Variants in MDM4 observed in about 807,000 individuals in gnomAD.
The protein encoded by MDM4 is MDM4 regulator of p53, also known as protein Mdm4.
A neutral mutation model predicts 60.2 loss-of-function variants in MDM4; 2 were observed. The ratio of observed to expected loss-of-function variants is 0.03; its 90% CI spans 0.01 to 0.10. The LOEUF is 0.10. Ranked by LOEUF, MDM4 falls within the 10% of genes least tolerant of loss-of-function variation. The pLI, the probability that MDM4 is intolerant of heterozygous loss-of-function variation, is 1.00. For missense variants in MDM4, 447 were observed against 577.5 expected (o/e 0.77, Z 2.32); for synonymous variants, 202 against 198.1 (o/e 1.02, Z -0.17).
chr1:204,551,524 AG>A lies in MDM4; in HGVS notation c.*1844del, dbSNP rs1663207519. ...GGGAGTATGGCTGTTGTGAAAAGGG[AG>A]GTAAAGAGAAATGGTAGATCTGAAG... On this transcript the variant is annotated 3_prime_UTR_variant, in exon 11 of 11. Coordinates refer to ENST00000367182, the MANE Select transcript of MDM4 (RefSeq NM_002393.5). The A allele has an allele frequency of 6.4e-6, 1 of 155,220 alleles. No individual in the cohort carries two copies. Among genetic ancestry groups the A allele is most frequent in the East Asian group, 9.8e-5 (1 of 10,184 alleles). The allele number at this position is 155,220 out of a possible 1,614,324, so 9.6% of individuals were successfully genotyped here.
chr1:204,527,657 A>G (rs940542490), intron 3 of MDM4, among the ~76,000 whole-genome samples: 1 of 148,656 alleles, frequency 6.7e-6, no homozygotes, highest in Non-Finnish European at 1.5e-5. Flanking sequence ...AAAAAAAAAA[A>G]AAGTGTCAGA....
Position 204,553,722 on chromosome 1 carries a change from A to C in MDM4, c.*4040A>C, listed in dbSNP as rs1386526447. The C allele has an allele frequency of 8.8e-6, 2 of 226,454 alleles. No homozygotes were observed. The highest frequency in any genetic ancestry group is 1.3e-4 in the East Asian group (2 of 15,622). The allele number at this position is 226,454 out of a possible 1,614,324, so 14.0% of individuals were successfully genotyped here. ...ATGAATTTCAGTATTACGGCTAAAA[A>C]GTTCTTCTGTCTGAATATTAACTCA... On this transcript the variant is annotated 3_prime_UTR_variant, in exon 11 of 11. Transcript: ENST00000367182.
rs779541672 is a variant in MDM4, at chr1:204,546,830, G to A, written c.856G>A (p.Asp286Asn). 1 of 1,613,320 alleles carries A rather than the reference G, an allele frequency of 6.2e-7. No homozygotes were observed. The highest frequency in any genetic ancestry group is 1.1e-5 in the South Asian group (1 of 90,988). Residue 286 changes from aspartate (D) to asparagine (N), a missense_variant, in exon 10 of 11, where the codon GAC becomes AAC. By Grantham distance (23) the Asp-to-Asn change is conservative (BLOSUM62 1). Coordinates refer to ENST00000367182, the MANE Select transcript of MDM4 (RefSeq NM_002393.5). ...AGTGGGAAAAAATGATGACCTGGAG[G>A]ACTCTAAGTCCTTAAGTGATGATAC... ...IEVGKNDDLEDSKSLSDDTDV... is the reference protein window; with the variant it reads ...IEVGKNDDLENSKSLSDDTDV...
At chr1:204,540,884 T>A (rs910396348) in intron 7 of MDM4, among the ~76,000 whole-genome samples, 1 of 152,236 alleles carries the variant, frequency 6.6e-6, no homozygotes, top group African/African-American at 2.4e-5. Context: ...GCTTCTAGTC[T>A]AGGCATGTGG....
At position 204,525,572 on chromosome 1, in the gene MDM4, G is replaced by T. The variant is rs2102314293; in HGVS notation, c.54G>T (p.Arg18Ser). The change falls in exon 2 of 11, where the codon AGG (arginine) becomes AGT (serine). Residue 18 changes from arginine to serine, a missense_variant. This residue lies in a region of MDM4 where 33 missense variants were observed against 28.8 expected (regional missense o/e 1.15). Coordinates refer to ENST00000367182, the MANE Select transcript of MDM4 (RefSeq NM_002393.5). ...AQCSTSDSACRISPGQINQVR... is the reference protein window; with the variant it reads ...AQCSTSDSACSISPGQINQVR... Reference sequence around the variant, plus strand: ...GTTCAACATCTGACAGTGCTTGCAGGATCTCTCCTGGACAAATCAATCAGG... The same window carrying T: ...GTTCAACATCTGACAGTGCTTGCAGTATCTCTCCTGGACAAATCAATCAGG... The T allele has an allele frequency of 2.5e-6, 4 of 1,608,614 alleles. No homozygotes were observed. The highest frequency in any genetic ancestry group is 3.4e-6 in the Non-Finnish European group (4 of 1,176,850).
chr1:204,543,373 C>G (rs553853330), intron 8 of MDM4, among the ~76,000 whole-genome samples: 1 of 152,122 alleles, frequency 6.6e-6, no homozygotes, highest in Non-Finnish European at 1.5e-5. Flanking sequence ...TGGTGGCGTG[C>G]GCCTGTTTTA....
At chr1:204,523,114 C>A (rs1389382110) in intron 1 of MDM4, among the ~76,000 whole-genome samples, 1 of 151,182 alleles carries the variant, frequency 6.6e-6, no homozygotes, top group Admixed American at 6.6e-5. Flanking sequence ...CCACCTTCCT[C>A]AGCCTCCCAA....
At position 204,526,278 on chromosome 1, in the gene MDM4, T is replaced by C. The variant is rs1029974490; in HGVS notation, c.79-82T>C. 4 of 1,193,150 alleles carry C rather than the reference T, an allele frequency of 3.4e-6. No homozygotes were observed. The Admixed American group carries it at 7.9e-5, about 24-fold the overall frequency. 73.9% of individuals were successfully genotyped at this position (1,193,150 alleles called of 1,614,324 possible). The stretch of plus-strand genomic sequence containing the variant: ...CTCAAAAAACAAAAGCGGGGGGAGC[T>C]GTTTAAAGAGGTTCTCTTGTTCCAT... On this transcript the variant is annotated intron_variant, in intron 2 of 10. Transcript: ENST00000367182.
At position 204,549,105 on chromosome 1, in the gene MDM4, C is replaced by CT. The variant is rs1395929502; in HGVS notation, c.904-5dup. ...CTGAGTATTAATTGGCTTCACTTGT[C>CT]TTTGTAGGATGAGTGGCAGTGTACT... On this transcript the variant is annotated splice_polypyrimidine_tract_variant and splice_region_variant and intron_variant, in intron 10 of 10. Transcript: ENST00000367182. The CT allele has an allele frequency of 6.4e-7, 1 of 1,565,704 alleles. No individual in the cohort carries two copies. The highest frequency in any genetic ancestry group is 8.7e-7 in the Non-Finnish European group (1 of 1,148,316).
chr1:204,534,619 C>T (rs1040598079), intron 5 of MDM4, among the ~76,000 whole-genome samples: 2 of 152,068 alleles, frequency 1.3e-5, no homozygotes, highest in African/African-American at 4.8e-5. Context: ...TCCTCAGTAG[C>T]TGGGACTACA....
At chr1:204,540,726 G>A (rs1181420250) in intron 7 of MDM4, among the ~76,000 whole-genome samples, 1 of 152,170 alleles carries the variant, frequency 6.6e-6, no homozygotes, top group African/African-American at 2.4e-5. Flanking sequence ...TCGCGCCATT[G>A]CCCTCCAGCC....
chr1:204,526,262 C>G (rs890901860), intron 2 of MDM4, 98 bp from the exon 3 acceptor site: 4 of 1,071,698 alleles, frequency 3.7e-6, no homozygotes, highest in Non-Finnish European at 5.5e-6. Flanking sequence ...CCTCAAAAAA[C>G]AAAAGCGGGG....
At position 204,556,710 on chromosome 1, in the gene MDM4, C is replaced by G; in HGVS notation, c.*7028C>G. The G allele has an allele frequency of 9.4e-6, 2 of 212,588 alleles. No homozygotes were observed. Among genetic ancestry groups the G allele is most frequent in the Non-Finnish European group, 1.9e-5 (2 of 105,034 alleles). 13.2% of individuals were successfully genotyped at this position (212,588 alleles called of 1,614,324 possible). A position where few individuals can be genotyped will look rare whatever the true frequency, so the allele number is the denominator to read the frequency against. On this transcript the variant is annotated 3_prime_UTR_variant, in exon 11 of 11. Transcript: ENST00000367182. ...CTGTCTCAAAGAAATTGAGGTCAGG[C>G]TTCCTTCTTACAGAATTATTTTTTT... is the stretch of plus-strand genomic sequence containing the variant.
At chr1:204,521,415 T>A (rs1443677062) in intron 1 of MDM4, among the ~76,000 whole-genome samples, 1 of 152,156 alleles carries the variant, frequency 6.6e-6, no homozygotes, top group African/African-American at 2.4e-5. Context: ...TTCTTTTTTT[T>A]AAGGACACCT....
chr1:204,545,344 A>G (rs970919557), intron 9 of MDM4, among the ~76,000 whole-genome samples: 2 of 152,204 alleles, frequency 1.3e-5, no homozygotes, highest in Non-Finnish European at 2.9e-5. Flanking sequence ...GAGTACATAC[A>G]TATGGTATGT....
rs568701644 is a variant in MDM4 at position 204,553,336 on chromosome 1, T to C, written c.*3654T>C. 10 of 220,062 alleles carry C rather than the reference T, an allele frequency of 4.5e-5. 1 individual carries two copies. The South Asian group carries it at 1.8e-3, about 41-fold the overall frequency. 13.6% of individuals were successfully genotyped at this position (220,062 alleles called of 1,614,324 possible). A position where few individuals can be genotyped will look rare whatever the true frequency, so the allele number is the denominator to read the frequency against. ...CTTCCAAATACTGACATTTACCTTT[T>C]AGCTGTAGTTATTGGGACCATGTGC... On this transcript the variant is annotated 3_prime_UTR_variant, in exon 11 of 11. Coordinates refer to ENST00000367182, the MANE Select transcript of MDM4 (RefSeq NM_002393.5).
rs2102458757 is a variant in MDM4 at position 204,549,584 on chromosome 1, A to T, written c.1375A>T (p.Thr459Ser). Residue 459 changes from threonine (T) to serine (S), a missense_variant, in exon 11 of 11, where the codon ACT (threonine) becomes TCT (serine). By Grantham distance (58) the Thr-to-Ser change is moderately conservative (BLOSUM62 1). Transcript: ENST00000367182. ...IIHGRTGHLV[T>S]CFHCARRLKK... ...TCATGGAAGGACGGGCCATCTTGTC[A>T]CTTGTTTTCACTGTGCCAGAAGACT... 6.2e-7 allele frequency: 1 copy of T among 1,613,286 alleles called. No homozygotes were observed. The highest frequency in any genetic ancestry group is 8.5e-7 in the Non-Finnish European group (1 of 1,179,854).
rs11285873 is a variant in MDM4, at chr1:204,550,564, GT to G, written c.*897del. 0.71 allele frequency: 113,095 copies of G among 159,988 alleles called. 38,096 individuals carry two copies. The highest frequency in any genetic ancestry group is 0.76 in the African/African-American group (29,162 of 38,216). The allele number at this position is 159,988 out of a possible 1,614,324, so 9.9% of individuals were successfully genotyped here. A position where few individuals can be genotyped will look rare whatever the true frequency, so the allele number is the denominator to read the frequency against. ...TTGCATATTATATATGTGCTTTAAA[GT>G]TTTTTTTTTTTTTTGAGAGACGGTC... On this transcript the variant is annotated 3_prime_UTR_variant, in exon 11 of 11. Transcript: ENST00000367182.
intron 1 of MDM4, among the ~76,000 whole-genome samples, chr1:204,523,646 A>C (rs1659810519): frequency 6.6e-6 from 1 of 151,486 alleles, no homozygotes; most frequent in Non-Finnish European, 1.5e-5. Flanking sequence ...ATGCCCAGCT[A>C]GTTGTTGTAT....
Sources: gnomAD v4.1 joint callset for allele counts (sites outside exome capture counted in the v4.1 genomes callset) on GRCh38, gnomAD v4.1.1 for gene constraint, gnomAD v4.1.1 regional missense constraint, MANE v1.5 for transcripts, NCBI Gene and HGNC (gene_info 2026-07-23, HGNC 2026-07-21) for gene names.